The following ABCG1 variants were observed in gnomAD, a reference collection of about 807,000 sequenced individuals.
The protein encoded by ABCG1 is ATP binding cassette subfamily G member 1.
Under a neutral mutation model 69.2 loss-of-function variants are expected in ABCG1, and 29 were observed. The ratio of observed to expected loss-of-function variants is 0.42; its 90% CI spans 0.31 to 0.57. The LOEUF (loss-of-function observed/expected upper bound fraction) is 0.57. Among genes scored for constraint, ABCG1 ranks in the 20% least tolerant of loss-of-function variants. ABCG1 has a pLI of 0.15. For synonymous variants in ABCG1, 370 were observed against 374.8 expected, an observed-to-expected ratio of 0.99 and a Z score of 0.15; for missense variants, 718 against 898.1, an observed-to-expected ratio of 0.80 and a Z score of 2.56.
chr21:42,239,691 C>T (rs1452195198), intron 2 of ABCG1, among the ~76,000 whole-genome samples: 1 of 152,228 alleles, frequency 6.6e-6, no homozygotes, highest in African/African-American at 2.4e-5. Flanking sequence ...CACACTGGTC[C>T]CCTGGCTGGG....
chr21:42,218,161 T>C (rs1449632044), upstream of ABCG1, among the ~76,000 whole-genome samples: 3 of 152,192 alleles, frequency 2.0e-5, no homozygotes, highest in African/African-American at 7.2e-5. Flanking sequence ...GAGAGAGACC[T>C]GGCTCATCTG....
rs1284027445 is a variant in ABCG1 at position 42,203,600 on chromosome 21, A to T, written c.48+1877A>T. Among the ~76,000 whole-genome samples the T allele has an allele frequency of 2.0e-5, 3 of 152,168 alleles. No homozygotes were observed. The East Asian group carries it at 5.8e-4, about 29-fold the overall frequency. ...GATTCTGGGTTTTCCATTCTGTTCC[A>T]TTGGTCTTTGCGTCTGTCCTTTTGC... On this transcript the variant is annotated intron_variant, in intron 2 of 15. Coordinates refer to the ABCG1 transcript ENST00000398457.
intron 2 of ABCG1, among the ~76,000 whole-genome samples, chr21:42,269,966 C>T (rs1416576586): frequency 1.3e-5 from 2 of 152,172 alleles, no homozygotes; most frequent in Non-Finnish European, 2.9e-5. Flanking sequence ...TCTGATACTA[C>T]ACTGAGAAGT....
At chr21:42,233,220 G>A (rs374264383) in intron 2 of ABCG1, among the ~76,000 whole-genome samples, 11 of 152,278 alleles carry the variant, frequency 7.2e-5, no homozygotes, top group Admixed American at 2.6e-4. Flanking sequence ...TGCTCTGTGG[G>A]GTAAATGGCA....
intron 5 of ABCG1, among the ~76,000 whole-genome samples, chr21:42,280,805 G>C (rs1395017075): frequency 6.6e-6 from 1 of 152,238 alleles, no homozygotes; most frequent in Non-Finnish European, 1.5e-5. Context: ...GGCCAAGAGC[G>C]TCGCCCAGTG....
At chr21:42,266,313 T>A (rs1185882001) in intron 2 of ABCG1, among the ~76,000 whole-genome samples, 1 of 151,342 alleles carries the variant, frequency 6.6e-6, no homozygotes, top group Admixed American at 6.6e-5. Context: ...AATAAATAAA[T>A]AAAATAAAAT....
intron 2 of ABCG1, among the ~76,000 whole-genome samples, chr21:42,207,392 G>A (rs2067551630): frequency 6.6e-6 from 1 of 151,974 alleles, no homozygotes; most frequent in Non-Finnish European, 1.5e-5. Context: ...TTTAATATTG[G>A]TAATCCATTC....
At chr21:42,282,159 C>G (rs2123771832) in intron 5 of ABCG1, 115 bp from the exon 6 acceptor site, 4 of 1,439,890 alleles carry the variant, frequency 2.8e-6, no homozygotes, top group Non-Finnish European at 3.7e-6. Flanking sequence ...CCACGTGGGC[C>G]AGGCACGGTG....
chr21:42,269,470 T>G (rs934528718), intron 2 of ABCG1, among the ~76,000 whole-genome samples: 9 of 152,154 alleles, frequency 5.9e-5, no homozygotes, highest in Non-Finnish European at 1.3e-4. Flanking sequence ...TTGTAAGCAT[T>G]GTCATCCACA....
chr21:42,259,239 C>G (rs1416924618), intron 2 of ABCG1: 1 of 1,454,430 alleles, frequency 6.9e-7, no homozygotes. Context: ...AGTTCTGGAG[C>G]AGAGTCAGCA....
rs150977124 is a variant in ABCG1, at chr21:42,277,170, G to T, written c.588+225G>T. Among the ~76,000 whole-genome samples, 30 of 152,342 alleles carry T rather than the reference G, an allele frequency of 2.0e-4. No individual in the cohort carries two copies. The East Asian group carries it at 3.1e-3, about 16-fold the overall frequency. The stretch of plus-strand genomic sequence containing the variant: ...CACACGCTCATGGCTTTGATTCTCA[G>T]ATTCAGGAGTCGGAATGTAATGTGA... On this transcript the variant is annotated intron_variant, in intron 5 of 14. Transcript: ENST00000398449.
chr21:42,280,101 G>A (rs756331954), intron 5 of ABCG1, among the ~76,000 whole-genome samples: 2 of 152,194 alleles, frequency 1.3e-5, no homozygotes, highest in African/African-American at 2.4e-5. Flanking sequence ...TGGAGGCCAC[G>A]CTGCGTCCTG....
chr21:42,282,369 G>A lies in ABCG1; in HGVS notation c.684G>A (p.Ala228=), dbSNP rs756025444. 3.3e-5 allele frequency: 53 copies of A among 1,613,748 alleles called. No individual in the cohort carries two copies. The highest frequency in any genetic ancestry group is 6.7e-5 in the African/African-American group (5 of 74,952). ...SGGQRKRLAI[A]LELVNNPPVM... is the part of the protein sequence containing the mutation. Reference sequence around the variant, plus strand: ...GTCAGCGCAAGCGCCTGGCCATCGCGCTGGAGCTGGTGAACAACCCTCCAG... The same window carrying A: ...GTCAGCGCAAGCGCCTGGCCATCGCACTGGAGCTGGTGAACAACCCTCCAG... The change falls in exon 6 of 15, where the codon GCG becomes GCA. Residue 228 remains alanine (A), a synonymous_variant. Transcript: ENST00000398449.
chr21:42,242,368 G>A (rs2068064390), intron 2 of ABCG1, among the ~76,000 whole-genome samples: 1 of 152,208 alleles, frequency 6.6e-6, no homozygotes, highest in Non-Finnish European at 1.5e-5. Context: ...GAGCATAGTA[G>A]TGTGCACCTG....
In ABCG1 at chr21:42,291,761, T is replaced by C; in HGVS notation, c.1653+105T>C. ...GCCACCCCTTCCCCTACTTCTGCCCTGACCCTCCTAGATGGGGTCGTTCCC... is the reference window on the plus strand; with the variant it reads ...GCCACCCCTTCCCCTACTTCTGCCCCGACCCTCCTAGATGGGGTCGTTCCC... On this transcript the variant is annotated intron_variant, in intron 13 of 14. Transcript: ENST00000398449. This position sits in a 1 kb window ranked among gnomAD's most constrained non-coding sequence, Gnocchi z 6.4. 7.5e-7 allele frequency: 1 copy of C among 1,337,302 alleles called. No individual in the cohort carries two copies. The highest frequency in any genetic ancestry group is 2.6e-5 in the East Asian group (1 of 39,122). 82.8% of individuals were successfully genotyped at this position (1,337,302 alleles called of 1,614,324 possible).
chr21:42,277,549 CAG>C (rs2068733088), intron 5 of ABCG1, among the ~76,000 whole-genome samples: 1 of 152,060 alleles, frequency 6.6e-6, no homozygotes, highest in Non-Finnish European at 1.5e-5. Context: ...GAAAGCCACA[CAG>C]AGGAAGGAGG....
At chr21:42,256,868 T>C (rs1369350832) in intron 2 of ABCG1, among the ~76,000 whole-genome samples, 2 of 152,248 alleles carry the variant, frequency 1.3e-5, no homozygotes, top group African/African-American at 2.4e-5. Flanking sequence ...CACGTGGCTA[T>C]GTCAGCGCAG....
intron 1 of ABCG1, 85 bp from the exon 2 acceptor site, chr21:42,225,586 C>T: frequency 6.5e-7 from 1 of 1,533,670 alleles, no homozygotes; most frequent in Non-Finnish European, 8.8e-7. Context: ...TAACCAATGA[C>T]CCTGAGCCTC....
intron 2 of ABCG1, among the ~76,000 whole-genome samples, chr21:42,253,882 A>G (rs974530603): frequency 6.6e-6 from 1 of 152,140 alleles, no homozygotes; most frequent in African/African-American, 2.4e-5. Flanking sequence ...GGTGATATTT[A>G]TTGATGTAAC....
Sources: gnomAD v4.1 joint callset for allele counts (sites outside exome capture counted in the v4.1 genomes callset) on GRCh38, gnomAD v4.1.1 for gene constraint, Gnocchi (gnomAD v3.1) non-coding constraint, MANE v1.5 for transcripts, NCBI Gene and HGNC (gene_info 2026-07-23, HGNC 2026-07-21) for gene names.